MYO16: variants seen among roughly 807,000 people sequenced by gnomAD.
MYO16 encodes myosin XVI.
In MYO16, 94 loss-of-function variants were observed where a neutral mutation model predicts 205.3. The observed-to-expected ratio is 0.46, with a 90% CI of 0.39 to 0.54. The LOEUF is 0.54. MYO16 is among the 20% of genes least tolerant of loss of function. The pLI is 0.00. For missense variants in MYO16, 2,315 were observed against 2,387.5 expected (o/e 0.97, Z 0.63); for synonymous variants, 988 against 954.0 (o/e 1.04, Z -0.66).
chr13:108,986,325 A>G (rs1442572886), intron 20 of MYO16, among the ~76,000 whole-genome samples: 1 of 152,132 alleles, frequency 6.6e-6, no homozygotes, highest in Non-Finnish European at 1.5e-5. Flanking sequence ...TAATCTCCAT[A>G]AAGACTAAGA....
At chr13:108,911,787 G>A (rs752609706) in intron 16 of MYO16, among the ~76,000 whole-genome samples, 15 of 152,292 alleles carry the variant, frequency 9.8e-5, no homozygotes, top group Middle Eastern at 3.4e-3. Context: ...AGCACTCATG[G>A]TAATGGTGGT....
the MYO16 span, among the ~76,000 whole-genome samples, chr13:108,558,016 T>G: frequency 1.9e-4 from 29 of 152,156 alleles, no homozygotes; most frequent in Admixed American, 1.9e-3. Context: ...GCCCTGAGAA[T>G]AATTAAGGTA....
At chr13:108,599,025 A>T (rs9520950) in intron 1 of MYO16, among the ~76,000 whole-genome samples, 129,678 of 131,202 alleles carry the variant, frequency 0.99, 64,107 homozygotes, top group East Asian at 1. Flanking sequence ...CAGAGTGTGA[A>T]GTTCCCCTTC....
At chr13:108,698,812 G>A (rs183814873) in intron 2 of MYO16, among the ~76,000 whole-genome samples, 134 of 152,070 alleles carry the variant, frequency 8.8e-4, no homozygotes, top group Admixed American at 3.9e-3. Flanking sequence ...TTAAGCTTTC[G>A]TCCTGTCCCC....
chr13:108,917,024 GTGAGATGCAGAAACTCGAA>G (rs1881523266), intron 16 of MYO16, among the ~76,000 whole-genome samples: 2 of 388 alleles, frequency 5.2e-3, no homozygotes, highest in Non-Finnish European at 9.7e-3. Flanking sequence ...CCCCAGGAAT[GTGAGATGCAGAAACTCGAA>G]TGTGAGATGC....
intron 27 of MYO16, among the ~76,000 whole-genome samples, chr13:109,097,069 C>T (rs1376762421): frequency 1.3e-5 from 2 of 152,200 alleles, no homozygotes; most frequent in Non-Finnish European, 2.9e-5. Context: ...GTGGCTCACA[C>T]CTGTAATCCC....
intron 28 of MYO16, among the ~76,000 whole-genome samples, chr13:109,114,194 A>G (rs541591420): frequency 6.6e-6 from 1 of 152,246 alleles, no homozygotes; most frequent in East Asian, 1.9e-4. Flanking sequence ...AAAGAGAGTG[A>G]CCCAGGGTCT....
rs140473981 is a variant in MYO16, at chr13:108,664,081, C to G, written c.29-1805C>G. 5.9e-5 allele frequency among the ~76,000 whole-genome samples: 9 copies of G among 152,284 alleles called. No homozygotes were observed. The East Asian group carries it at 1.7e-3, about 29-fold the overall frequency. On this transcript the variant is annotated intron_variant, in intron 1 of 34. Transcript: ENST00000457511. ...GCAATTTGTCATCGTTTCAGAACCA[C>G]TGTTGTCTATTTGCGTTTAGGTTAC...
chr13:108,722,272 G>C (rs139813324), intron 3 of MYO16, among the ~76,000 whole-genome samples: 1 of 152,258 alleles, frequency 6.6e-6, no homozygotes, highest in East Asian at 1.9e-4. Context: ...GAAAGTGGCT[G>C]ACATAAGGAA....
intron 16 of MYO16, among the ~76,000 whole-genome samples, chr13:108,920,298 T>C (rs190205686): frequency 0.075 from 10,353 of 138,700 alleles, 492 homozygotes; most frequent in Middle Eastern, 0.22. Context: ...TTCTCTTTCT[T>C]TCTCTTTCTC....
intron 34 of MYO16, among the ~76,000 whole-genome samples, chr13:109,180,945 G>T (rs547708810): frequency 1.3e-5 from 2 of 152,134 alleles, no homozygotes; most frequent in Non-Finnish European, 2.9e-5. Flanking sequence ...ACAACACAAC[G>T]CTGGGCCATC....
intron 10 of MYO16, among the ~76,000 whole-genome samples, chr13:108,846,638 A>T (rs572670233): frequency 6.6e-6 from 1 of 152,042 alleles, no homozygotes; most frequent in African/African-American, 2.4e-5. Context: ...ACAATTGAAC[A>T]CTATTTTTAA....
At chr13:108,989,110 A>G (rs868455206) in intron 20 of MYO16, among the ~76,000 whole-genome samples, 7 of 152,216 alleles carry the variant, frequency 4.6e-5, no homozygotes, top group Admixed American at 2.6e-4. Flanking sequence ...CTAGTATAGA[A>G]CATTTAAGAA....
Position 109,127,405 on chromosome 13 carries a change from G to A in MYO16, c.3906G>A (p.Val1302=). 1.9e-6 allele frequency: 3 copies of A among 1,614,040 alleles called. No homozygotes were observed. Among genetic ancestry groups the A allele is most frequent in the Non-Finnish European group, 2.5e-6 (3 of 1,179,988 alleles). ...TCTGGTCTCCTTCGCTGCACTCGGT[G>A]TTCAGCATGGATGACAGCAGCAGCC... The part of the protein sequence containing the change: ...PSIWSPSLHS[V]FSMDDSSSLP... The change falls in exon 31 of 35, where the codon GTG becomes GTA. Residue 1302 remains valine (V), a synonymous_variant. Transcript: ENST00000457511. The surrounding 1 kb of genome is among the most constrained non-coding windows in gnomAD (Gnocchi z 4.2).
intron 28 of MYO16, among the ~76,000 whole-genome samples, chr13:109,117,958 A>G (rs888485058): frequency 1.3e-5 from 2 of 152,132 alleles, no homozygotes; most frequent in African/African-American, 2.4e-5. Flanking sequence ...TGATGTAGCC[A>G]CCAATTACAG....
intron 23 of MYO16, among the ~76,000 whole-genome samples, chr13:109,023,382 T>A (rs1290254359): frequency 1.3e-5 from 1 of 75,934 alleles, no homozygotes; most frequent in Non-Finnish European, 2.2e-5. Flanking sequence ...TTATATATTA[T>A]ACAGATATAA....
chr13:109,023,709 A>ATGTATATAT (rs1555325352), intron 23 of MYO16, among the ~76,000 whole-genome samples: 155 of 124,142 alleles, frequency 1.2e-3, no homozygotes, highest in Non-Finnish European at 1.9e-3. Flanking sequence ...ATATGTATAT[A>ATGTATATAT]TACAAATATA....
intron 11 of MYO16, among the ~76,000 whole-genome samples, chr13:108,861,462 C>T (rs56090116): frequency 0.037 from 5,596 of 152,148 alleles, 285 homozygotes; most frequent in East Asian, 0.21. Flanking sequence ...TTAGTAATTA[C>T]GAATAATATA....
At chr13:108,753,384 A>AAAAAAAAAAAAAAAAAAAAAAAC (rs1885315490) in intron 4 of MYO16, among the ~76,000 whole-genome samples, 1 of 145,698 alleles carries the variant, frequency 6.9e-6, no homozygotes, top group African/African-American at 2.8e-5. Flanking sequence ...AAAAAAAAAA[A>AAAAAAAAAAAAAAAAAAAAAAAC]AAAAAAAAAA....
Sources: allele counts gnomAD v4.1 joint callset (sites outside exome capture counted in the v4.1 genomes callset), GRCh38; gene constraint gnomAD v4.1.1; non-coding constraint Gnocchi (gnomAD v3.1); transcripts MANE v1.5; gene names NCBI Gene and HGNC (gene_info 2026-07-23, HGNC 2026-07-21).